GCC1: variants seen among roughly 807,000 people sequenced by gnomAD.
GCC1 encodes the protein GRIP and coiled-coil domain containing 1.
GCC1 carries 36 observed loss-of-function variants against 62.5 expected under a neutral mutation model. That is an observed-to-expected ratio of 0.58 (90% confidence interval 0.44 to 0.76). GCC1 has a LOEUF of 0.76. GCC1 is among the 30% of genes least tolerant of loss of function. The pLI, the probability that GCC1 is intolerant of heterozygous loss-of-function variation, is 0.00. For synonymous variants in GCC1, 391 were observed against 386.8 expected (o/e 1.01, Z -0.13); for missense variants, 885 against 948.3 (o/e 0.93, Z 0.88).
intron 1 of GCC1, 57 bp from the exon 2 acceptor site, chr7:127,583,366 G>A (rs1194744561): frequency 1.5e-6 from 2 of 1,365,116 alleles, no homozygotes; most frequent in Admixed American, 4.0e-5. Flanking sequence ...AGCAAACTCT[G>A]AGAAAGCAGG....
Position 127,582,513 on chromosome 7 carries a change from G to A in GCC1, c.1829C>T (p.Ala610Val). Reference protein sequence around the residue: ...DLELEQLRSVALASGLPGRRS... With the variant: ...DLELEQLRSVVLASGLPGRRS... ...GCGTCCTGGCAGCCCAGAGGCCAAG[G>A]CCACAGAACGCAGTTGCTCCAGTTC... The change falls in exon 2 of 2, where the codon GCC becomes GTC. Residue 610 changes from alanine to valine, a missense_variant. By Grantham distance (64) the Ala-to-Val change is moderately conservative. Transcript: ENST00000321407. This position sits in a 1 kb window ranked among gnomAD's most constrained non-coding sequence, Gnocchi z 4.8. The A allele has an allele frequency of 1.2e-6, 2 of 1,613,046 alleles. No individual in the cohort carries two copies. The highest frequency in any genetic ancestry group is 8.5e-7 in the Non-Finnish European group (1 of 1,180,024).
Position 127,585,122 on chromosome 7 carries a change from T to C in GCC1, c.61A>G (p.Ile21Val), listed in dbSNP as rs755747338. Residue 21 changes from isoleucine (I) to valine (V), a missense_variant, in exon 1 of 2, where the codon ATA becomes GTA. Physicochemically the swap from Ile to Val is conservative, Grantham distance 29. Transcript: ENST00000321407. ...GPSKKDLLET[I>V]ETQKKQLLQY... is the part of the protein sequence containing the mutation. ...AGAAGCTGCTTCTTCTGGGTCTCTA[T>C]AGTCTCCAGCAAGTCCTTCTTGCTC... The C allele has an allele frequency of 3.8e-5, 61 of 1,613,200 alleles. No homozygotes were observed. In the Admixed American group the frequency reaches 7.4e-4, roughly 19 times the overall value.
In GCC1 at chr7:127,582,705, T is replaced by C. The variant is rs1356377851; in HGVS notation, c.1637A>G (p.Gln546Arg). 3 of 1,613,968 alleles carry C rather than the reference T, an allele frequency of 1.9e-6. No individual in the cohort carries two copies. The highest frequency in any genetic ancestry group is 2.5e-6 in the Non-Finnish European group (3 of 1,180,032). The stretch of plus-strand genomic sequence containing the variant: ...CTGCTTCCAGTCATCAGCCTCCTGC[T>C]GGTGTTGGTGCTCCAGCTCCTCGCA... ...LSCEELEHQH[Q>R]QEADDWKQEL... Residue 546 changes from glutamine to arginine, a missense_variant, in exon 2 of 2, where the codon CAG (glutamine) becomes CGG (arginine). Gln to Arg is a conservative substitution (Grantham distance 43, BLOSUM62 1). Transcript: ENST00000321407. This position sits in a 1 kb window ranked among gnomAD's most constrained non-coding sequence, Gnocchi z 4.8.
chr7:127,584,744 C>T lies in GCC1; in HGVS notation c.439G>A (p.Gly147Arg), dbSNP rs1794179508. 3.1e-6 allele frequency: 5 copies of T among 1,614,094 alleles called. No individual in the cohort carries two copies. Among genetic ancestry groups the T allele is most frequent in the Non-Finnish European group, 2.5e-6 (3 of 1,180,058 alleles). The change falls in exon 1 of 2, where the codon GGG (glycine) becomes AGG (arginine). Residue 147 changes from glycine (G) to arginine (R), a missense_variant. Coordinates refer to ENST00000321407, the MANE Select transcript of GCC1 (RefSeq NM_024523.6). ...ESGVSSSSGD[G>R]PFAGGEVDKR... ...TCCACCTCCCCACCTGCAAATGGCC[C>T]ATCCCCACTGCTACTGCTAACGCCA...
At position 127,582,784 on chromosome 7, in the gene GCC1, C is replaced by G; in HGVS notation, c.1558G>C (p.Ala520Pro). The change falls in exon 2 of 2, where the codon GCC becomes CCC. Residue 520 changes from alanine (A) to proline (P), a missense_variant. Physicochemically the swap from Ala to Pro is conservative, Grantham distance 27. Transcript: ENST00000321407. This position sits in a 1 kb window ranked among gnomAD's most constrained non-coding sequence, Gnocchi z 4.8. ...TTCAGCTCTGCAAGCTGTTCCTGGG[C>G]TGCCTCCAGCTCCTTTCCCAGGTTA... Reference protein sequence around the residue: ...DGNLGKELEAAQEQLAELKEK... With the variant: ...DGNLGKELEAPQEQLAELKEK... 1 of 1,614,212 alleles carries G rather than the reference C, an allele frequency of 6.2e-7. No individual in the cohort carries two copies. The highest frequency in any genetic ancestry group is 8.5e-7 in the Non-Finnish European group (1 of 1,180,046).
chr7:127,582,269 C>T lies in GCC1; in HGVS notation c.2073G>A (p.Glu691=). 6.2e-7 allele frequency: 1 copy of T among 1,614,218 alleles called. No individual in the cohort carries two copies. Among genetic ancestry groups the T allele is most frequent in the Non-Finnish European group, 8.5e-7 (1 of 1,180,042 alleles). ...VHQLQDRLLE[E]GERHREEVAA... ...CAACCTCCTCACGATGCCGTTCGCC[C>T]TCCTCCAGCAGCCGATCCTGCAGCT... Residue 691 remains glutamate, a synonymous_variant, in exon 2 of 2, where the codon GAG becomes GAA. Coordinates refer to ENST00000321407, the MANE Select transcript of GCC1 (RefSeq NM_024523.6). The surrounding 1 kb of genome is among the most constrained non-coding windows in gnomAD (Gnocchi z 4.8).
At chr7:127,583,487 T>C (rs899500464) in intron 1 of GCC1, among the ~76,000 whole-genome samples, 178 bp from the exon 2 acceptor site, 1 of 152,234 alleles carries the variant, frequency 6.6e-6, no homozygotes. Flanking sequence ...GCTTGGATTC[T>C]GCAAGACACA....
chr7:127,582,240 G>A lies in GCC1; in HGVS notation c.2102C>T (p.Ala701Val). 6.2e-7 allele frequency: 1 copy of A among 1,614,168 alleles called. No homozygotes were observed. The highest frequency in any genetic ancestry group is 1.1e-5 in the South Asian group (1 of 91,078). ...GTTCTTTTCGATGTGGCTCTGCAGG[G>A]CTGCAACCTCCTCACGATGCCGTTC... is the stretch of plus-strand genomic sequence containing the variant. ...EGERHREEVA[A>V]LQSHIEKNIR... The change falls in exon 2 of 2, where the codon GCC becomes GTC. Residue 701 changes from alanine (A) to valine (V), a missense_variant. Coordinates refer to ENST00000321407, the MANE Select transcript of GCC1 (RefSeq NM_024523.6). The surrounding 1 kb of genome is among the most constrained non-coding windows in gnomAD (Gnocchi z 4.8).
rs1302561445 is a variant in GCC1, at chr7:127,584,269, T to A, written c.914A>T (p.Glu305Val). 1.9e-6 allele frequency: 3 copies of A among 1,613,554 alleles called. No individual in the cohort carries two copies. Among genetic ancestry groups the A allele is most frequent in the Non-Finnish European group, 2.5e-6 (3 of 1,179,958 alleles). ...LTREVEELKS[E>V]LQAIRDEKNQ... ...CTTCTCATCTCGAATGGCCTGCAGT[T>A]CACTTTTCAGCTCCTCCACCTCACG... The change falls in exon 1 of 2, where the codon GAA becomes GTA. Residue 305 changes from glutamate (E) to valine (V), a missense_variant. Physicochemically the swap from Glu to Val is moderately radical, Grantham distance 121. Transcript: ENST00000321407.
At position 127,581,921 on chromosome 7, in the gene GCC1, A is replaced by G. The variant is rs1038283851; in HGVS notation, c.*93T>C. Reference sequence around the variant, plus strand: ...CCAGCTCAACACAGTGAAGAAATAAATGACAATGTAAGAGAAGAGGCAGCA... The same window carrying G: ...CCAGCTCAACACAGTGAAGAAATAAGTGACAATGTAAGAGAAGAGGCAGCA... On this transcript the variant is annotated 3_prime_UTR_variant, in exon 2 of 2. Coordinates refer to ENST00000321407, the MANE Select transcript of GCC1 (RefSeq NM_024523.6). 5.1e-6 allele frequency: 5 copies of G among 977,662 alleles called. No homozygotes were observed. The highest frequency in any genetic ancestry group is 6.2e-6 in the Non-Finnish European group (4 of 645,792). The allele number at this position is 977,662 out of a possible 1,614,324, so 60.6% of individuals were successfully genotyped here.
Position 127,585,078 on chromosome 7 carries a change from G to C in GCC1, c.105C>G (p.Leu35=). Reference sequence around the variant, plus strand: ...TTTTATAGGCACGGACCACATCCTTGAGCCGTGCCTGGTACTGGAGAAGCT... The same window carrying C: ...TTTTATAGGCACGGACCACATCCTTCAGCCGTGCCTGGTACTGGAGAAGCT... The part of the protein sequence containing the change: ...KKQLLQYQAR[L]KDVVRAYKSL... The change falls in exon 1 of 2, where the codon CTC becomes CTG. Residue 35 remains leucine (L), a synonymous_variant. Transcript: ENST00000321407. 6.2e-7 allele frequency: 1 copy of C among 1,614,158 alleles called. No homozygotes were observed. The highest frequency in any genetic ancestry group is 1.7e-5 in the Admixed American group (1 of 60,032).
chr7:127,585,583 T>A lies in GCC1; in HGVS notation c.-401A>T, dbSNP rs144818573. On this transcript the variant is annotated 5_prime_UTR_variant, in exon 1 of 2. Transcript: ENST00000321407. ...CCCATCACGACATCCTAACTAAAGC[T>A]GCCTGCCGACAACGGCGCTTCCGTG... 5.9e-6 allele frequency: 1 copy of A among 169,794 alleles called. No individual in the cohort carries two copies. Among genetic ancestry groups the A allele is most frequent in the African/African-American group, 2.4e-5 (1 of 42,048 alleles). The allele number at this position is 169,794 out of a possible 1,614,324, so 10.5% of individuals were successfully genotyped here. A position where few individuals can be genotyped will look rare whatever the true frequency, so the allele number is the denominator to read the frequency against.
chr7:127,582,894 T>A lies in GCC1; in HGVS notation c.1448A>T (p.Gln483Leu). ...GEKATALYYQ[Q>L]ELKQLKEEFE... is the part of the protein sequence containing the mutation. ...CTCTTCCTTCAGCTGTTTCAGCTCCTGTTGGTAATAGAGTGCAGTAGCCTT... is the reference window on the plus strand; with the variant it reads ...CTCTTCCTTCAGCTGTTTCAGCTCCAGTTGGTAATAGAGTGCAGTAGCCTT... The change falls in exon 2 of 2, where the codon CAG (glutamine) becomes CTG (leucine). Residue 483 changes from glutamine to leucine, a missense_variant. Coordinates refer to ENST00000321407, the MANE Select transcript of GCC1 (RefSeq NM_024523.6). The surrounding 1 kb of genome is among the most constrained non-coding windows in gnomAD (Gnocchi z 4.8). 1 of 1,614,248 alleles carries A rather than the reference T, an allele frequency of 6.2e-7. No individual in the cohort carries two copies. The highest frequency in any genetic ancestry group is 1.1e-5 in the South Asian group (1 of 91,088).
In GCC1 at chr7:127,582,846, G is replaced by C. The variant is rs747168639; in HGVS notation, c.1496C>G (p.Ala499Gly). Residue 499 changes from alanine (A) to glycine (G), a missense_variant, in exon 2 of 2, where the codon GCC becomes GGC. Transcript: ENST00000321407. The surrounding 1 kb of genome is among the most constrained non-coding windows in gnomAD (Gnocchi z 4.8). ...KEEFERYKMR[A>G]QVVLKSKNTK... ...ATTCTTGCTTTTGAGGACAACCTGG[G>C]CTCTCATCTTGTACCTCTCAAACTC... 2 of 1,614,134 alleles carry C rather than the reference G, an allele frequency of 1.2e-6. No individual in the cohort carries two copies. The highest frequency in any genetic ancestry group is 1.7e-6 in the Non-Finnish European group (2 of 1,180,018).
Position 127,582,894 on chromosome 7 carries a change from T to C in GCC1, c.1448A>G (p.Gln483Arg). The C allele has an allele frequency of 6.2e-7, 1 of 1,614,248 alleles. No individual in the cohort carries two copies. Among genetic ancestry groups the C allele is most frequent in the South Asian group, 1.1e-5 (1 of 91,088 alleles). ...GEKATALYYQ[Q>R]ELKQLKEEFE... ...CTCTTCCTTCAGCTGTTTCAGCTCC[T>C]GTTGGTAATAGAGTGCAGTAGCCTT... Residue 483 changes from glutamine to arginine, a missense_variant, in exon 2 of 2, where the codon CAG (glutamine) becomes CGG (arginine). By Grantham distance (43) the Gln-to-Arg change is conservative. Transcript: ENST00000321407. The surrounding 1 kb of genome is among the most constrained non-coding windows in gnomAD (Gnocchi z 4.8).
Position 127,582,969 on chromosome 7 carries a change from T to G in GCC1, c.1373A>C (p.Lys458Thr), listed in dbSNP as rs1204726932. The G allele has an allele frequency of 6.2e-7, 1 of 1,614,078 alleles. No individual in the cohort carries two copies. The highest frequency in any genetic ancestry group is 8.5e-7 in the Non-Finnish European group (1 of 1,180,042). The change falls in exon 2 of 2, where the codon AAG (lysine) becomes ACG (threonine). Residue 458 changes from lysine (K) to threonine (T), a missense_variant. Transcript: ENST00000321407. This position sits in a 1 kb window ranked among gnomAD's most constrained non-coding sequence, Gnocchi z 4.8. The part of the protein sequence containing the change: ...RKSQVTLDVE[K>T]LCDLEIMPSS... ...GGGCATTATCTCCAGGTCACAGAGC[T>G]TCTCCACATCCAGGGTCACCTGGCT...
Position 127,584,913 on chromosome 7 carries a change from G to A in GCC1, c.270C>T (p.His90=). 1 of 1,614,190 alleles carries A rather than the reference G, an allele frequency of 6.2e-7. No individual in the cohort carries two copies. The highest frequency in any genetic ancestry group is 8.5e-7 in the Non-Finnish European group (1 of 1,180,048). Residue 90 remains histidine (H), a synonymous_variant, in exon 1 of 2, where the codon CAC becomes CAT. Coordinates refer to ENST00000321407, the MANE Select transcript of GCC1 (RefSeq NM_024523.6). ...TGGCGGTCCCAGTGCTATCCTCGCT[G>A]TGAGTGGAGCACCGGTCATCCACAG... ...PDSVDDRCST[H]SEDSTGTATS...
chr7:127,583,289 T>C lies in GCC1; in HGVS notation c.1053A>G (p.Gln351=). Residue 351 remains glutamine (Q), a synonymous_variant, in exon 2 of 2, where the codon CAA becomes CAG. Transcript: ENST00000321407. ...EMRKTALAED[Q]LRQQSQVEEQ... ...CTTCTACCTGAGATTGCTGACGGAGTTGATCCTCTGCAAGAGCTGTCTGCA... is the reference window on the plus strand; with the variant it reads ...CTTCTACCTGAGATTGCTGACGGAGCTGATCCTCTGCAAGAGCTGTCTGCA... The C allele has an allele frequency of 6.2e-7, 1 of 1,603,164 alleles. No individual in the cohort carries two copies. Among genetic ancestry groups the C allele is most frequent in the Admixed American group, 1.7e-5 (1 of 59,550 alleles).
At position 127,584,498 on chromosome 7, in the gene GCC1, G is replaced by A; in HGVS notation, c.685C>T (p.Leu229Phe). 1 of 1,614,042 alleles carries A rather than the reference G, an allele frequency of 6.2e-7. No individual in the cohort carries two copies. The highest frequency in any genetic ancestry group is 2.2e-5 in the East Asian group (1 of 44,876). The change falls in exon 1 of 2, where the codon CTT becomes TTT. Residue 229 changes from leucine (L) to phenylalanine (F), a missense_variant. By Grantham distance (22) the Leu-to-Phe change is conservative. Coordinates refer to ENST00000321407, the MANE Select transcript of GCC1 (RefSeq NM_024523.6). ...QEQIAETKAR[L>F]ITQQHDRAQE... ...GCCCGATCATGCTGCTGCGTGATAA[G>A]CCGGGCTTTGGTTTCTGCTATTTGC...
Sources: gnomAD v4.1 joint callset for allele counts (sites outside exome capture counted in the v4.1 genomes callset) on GRCh38, gnomAD v4.1.1 for gene constraint, Gnocchi (gnomAD v3.1) non-coding constraint, MANE v1.5 for transcripts, NCBI Gene and HGNC (gene_info 2026-07-23, HGNC 2026-07-21) for gene names.